Variants in MARK2 observed in about 807,000 individuals in gnomAD.
The protein encoded by MARK2 is serine/threonine-protein kinase MARK2.
MARK2 carries 16 observed loss-of-function variants against 89.8 expected under a neutral mutation model. The ratio of observed to expected loss-of-function variants is 0.18; its 90% CI spans 0.12 to 0.27. The LOEUF is 0.27. Among genes scored for constraint, MARK2 ranks in the 10% least tolerant of loss-of-function variants. The probability of loss-of-function intolerance (pLI) is 1.00; values close to 1 mark genes in which losing one functional copy is unlikely to be tolerated. For synonymous variants in MARK2, 382 were observed against 399.5 expected (o/e 0.96, Z 0.52); for missense variants, 621 against 1,049.9 (o/e 0.59, Z 5.65).
rs1554990119 is a variant in MARK2, at chr11:63,910,654, T to TTA, written c.*1418_*1419insAT. 1 of 144,834 alleles carries TTA rather than the reference T, an allele frequency of 6.9e-6. No homozygotes were observed. The highest frequency in any genetic ancestry group is 2.5e-5 in the African/African-American group (1 of 39,770). The allele number at this position is 144,834 out of a possible 1,614,324, so 9.0% of individuals were successfully genotyped here. A position where few individuals can be genotyped will look rare whatever the true frequency, so the allele number is the denominator to read the frequency against. ...TTTATTTTTTATTATTTTATTTTAT[T>TTA]TTTTTTTTTTTTGATTTATGATGAC... On this transcript the variant is annotated 3_prime_UTR_variant, in exon 19 of 19. Transcript: ENST00000402010.
At chr11:63,899,149 A>G in intron 7 of MARK2, 41 bp downstream of exon 7, 1 of 1,355,934 alleles carries the variant, frequency 7.4e-7, no homozygotes, top group Non-Finnish European at 1.1e-6. Flanking sequence ...AGTGGGAGCC[A>G]GGTTGTTGCC....
Position 63,873,575 on chromosome 11 carries a change from A to T in MARK2, c.55-21584A>T, listed in dbSNP as rs1226734870. On this transcript the variant is annotated intron_variant, in intron 1 of 18. Coordinates refer to ENST00000402010, the MANE Select transcript of MARK2 (RefSeq NM_001039469.3). ...CAAAAGGAAACATCCTCTCGCTGCT[A>T]AGACTTGAGAGCCTGAGGCAGAGAC... Among the ~76,000 whole-genome samples the T allele has an allele frequency of 2.0e-5, 3 of 152,338 alleles. No individual in the cohort carries two copies. The South Asian group carries it at 6.2e-4, about 32-fold the overall frequency.
In MARK2 at chr11:63,904,485, G is replaced by A. The variant is rs1390731061; in HGVS notation, c.1677-301G>A. Among the ~76,000 whole-genome samples, 1 of 152,086 alleles carries A rather than the reference G, an allele frequency of 6.6e-6. No homozygotes were observed. The highest frequency in any genetic ancestry group is 1.5e-5 in the Non-Finnish European group (1 of 68,006). ...TCCTCAAGGGTTGGTCCCCATTGCCGCCTTGAGGGTCCAGTCTGCCCGGCT... is the reference window on the plus strand; with the variant it reads ...TCCTCAAGGGTTGGTCCCCATTGCCACCTTGAGGGTCCAGTCTGCCCGGCT... On this transcript the variant is annotated intron_variant, in intron 15 of 18. Transcript: ENST00000402010. This position sits in a 1 kb window ranked among gnomAD's most constrained non-coding sequence, Gnocchi z 6.3.
Position 63,839,500 on chromosome 11 carries a change from C to A in MARK2, c.-7C>A. ...TTCTCGGTTCCCTCCCCCGAGATAC[C>A]GGCGCCATGTCCAGCGCTCGGACCC... On this transcript the variant is annotated 5_prime_UTR_variant, in exon 1 of 19. Transcript: ENST00000402010. 2 of 1,527,934 alleles carry A rather than the reference C, an allele frequency of 1.3e-6. No individual in the cohort carries two copies. The highest frequency in any genetic ancestry group is 8.8e-7 in the Non-Finnish European group (1 of 1,133,360). The allele number at this position is 1,527,934 out of a possible 1,614,324, so 94.6% of individuals were successfully genotyped here.
rs139924540 is a variant in MARK2, at chr11:63,887,199, G to A, written c.55-7960G>A. Among the ~76,000 whole-genome samples the A allele has an allele frequency of 1.2e-3, 190 of 152,336 alleles. 1 individual carries two copies. Among genetic ancestry groups the A allele is most frequent in the African/African-American group, 4.4e-3 (183 of 41,580 alleles). ...CAGGGGCTTATCTTTTGGGGGAAAT[G>A]AGAGCACGATTAGGCATCAAGAAGG... is the stretch of plus-strand genomic sequence containing the variant. On this transcript the variant is annotated intron_variant, in intron 1 of 18. Transcript: ENST00000402010.
intron 1 of MARK2, among the ~76,000 whole-genome samples, chr11:63,881,270 A>T (rs1329761371): frequency 6.6e-6 from 1 of 152,060 alleles, no homozygotes; most frequent in Admixed American, 6.5e-5. Context: ...ACGCCACTGC[A>T]CTCCAGCCTG....
intron 1 of MARK2, among the ~76,000 whole-genome samples, chr11:63,845,552 G>GTCTC (rs2016236224): frequency 6.6e-6 from 1 of 152,132 alleles, no homozygotes; most frequent in Non-Finnish European, 1.5e-5. Flanking sequence ...TCTCCCTTCT[G>GTCTC]TCTCTGCAAA....
rs191359681 is a variant in MARK2, at chr11:63,884,081, G to T, written c.55-11078G>T. ...TTTACCTCTTTTAAGTTTCTGGAAG[G>T]CAGGAGCCAGATCGCACTGAGCTTT... On this transcript the variant is annotated intron_variant, in intron 1 of 18. Transcript: ENST00000402010. 1.2e-4 allele frequency among the ~76,000 whole-genome samples: 18 copies of T among 152,330 alleles called. No homozygotes were observed. In the East Asian group the frequency reaches 3.5e-3, roughly 29 times the overall value.
At chr11:63,869,031 A>G (rs1938296525) in intron 1 of MARK2, 1 of 356,932 alleles carries the variant, frequency 2.8e-6, no homozygotes, top group Non-Finnish European at 5.6e-6. Context: ...GGGAAGAGTG[A>G]GAAGGATGAC....
Position 63,883,490 on chromosome 11 carries a change from C to T in MARK2, c.55-11669C>T, listed in dbSNP as rs554783240. 3.9e-5 allele frequency among the ~76,000 whole-genome samples: 6 copies of T among 152,234 alleles called. No homozygotes were observed. The South Asian group carries it at 1.2e-3, about 32-fold the overall frequency. On this transcript the variant is annotated intron_variant, in intron 1 of 18. Transcript: ENST00000402010. Reference sequence around the variant, plus strand: ...CCCTTGGAGAGGGGAAACAATGGTTCCTACCCAAAAATGAAGCTAGATAAT... The same window carrying T: ...CCCTTGGAGAGGGGAAACAATGGTTTCTACCCAAAAATGAAGCTAGATAAT...
At chr11:63,878,863 T>A (rs1938931727) in intron 1 of MARK2, among the ~76,000 whole-genome samples, 1 of 152,184 alleles carries the variant, frequency 6.6e-6, no homozygotes, top group Non-Finnish European at 1.5e-5. Flanking sequence ...TGCTGGGACC[T>A]CATGGGCTGG....
intron 11 of MARK2, among the ~76,000 whole-genome samples, chr11:63,901,720 G>GTGTGTGTGTA (rs1460920893): frequency 1.6e-4 from 24 of 151,490 alleles, no homozygotes; most frequent in African/African-American, 5.4e-4. Context: ...GTGTGTGTGT[G>GTGTGTGTGTA]TGTATGTGTC....
chr11:63,908,843 C>A (rs754909507), intron 18 of MARK2, 34 bp from the exon 19 acceptor site: 26 of 1,434,244 alleles, frequency 1.8e-5, no homozygotes, highest in Non-Finnish European at 2.2e-5. Flanking sequence ...GTGCCTCAGC[C>A]CCCCCGTGAC....
At chr11:63,896,513 G>T (rs1940416242) in intron 3 of MARK2, among the ~76,000 whole-genome samples, 1 of 152,220 alleles carries the variant, frequency 6.6e-6, no homozygotes, top group Admixed American at 6.5e-5. Context: ...TGTGGCAGTT[G>T]AGTTAGGAGA....
chr11:63,897,067 T>C (rs1940467499), intron 3 of MARK2, among the ~76,000 whole-genome samples: 1 of 152,202 alleles, frequency 6.6e-6, no homozygotes, highest in Non-Finnish European at 1.5e-5. Flanking sequence ...ATCTCAGCAA[T>C]GATCCCTGAA....
intron 1 of MARK2, among the ~76,000 whole-genome samples, chr11:63,850,489 C>G (rs2016521479): frequency 1.3e-5 from 2 of 151,662 alleles, no homozygotes; most frequent in Non-Finnish European, 2.9e-5. Context: ...TTACCAATCA[C>G]CTATCTGAAA....
chr11:63,874,046 C>T (rs1273002919), intron 1 of MARK2, among the ~76,000 whole-genome samples: 1 of 152,196 alleles, frequency 6.6e-6, no homozygotes, highest in African/African-American at 2.4e-5. Context: ...TGTGCCATAG[C>T]CTTATAGCTT....
intron 1 of MARK2, among the ~76,000 whole-genome samples, chr11:63,893,707 C>T (rs185955390): frequency 6.6e-6 from 1 of 152,234 alleles, no homozygotes; most frequent in East Asian, 1.9e-4. Context: ...CAAAATGCTC[C>T]AAAATCTAAA....
chr11:63,909,337 T>C lies in MARK2; in HGVS notation c.*100T>C. 2 of 1,265,312 alleles carry C rather than the reference T, an allele frequency of 1.6e-6. No individual in the cohort carries two copies. Among genetic ancestry groups the C allele is most frequent in the Non-Finnish European group, 2.1e-6 (2 of 943,294 alleles). 78.4% of individuals were successfully genotyped at this position (1,265,312 alleles called of 1,614,324 possible). A position where few individuals can be genotyped will look rare whatever the true frequency, so the allele number is the denominator to read the frequency against. On this transcript the variant is annotated 3_prime_UTR_variant, in exon 19 of 19. Transcript: ENST00000402010. Reference sequence around the variant, plus strand: ...GCGAGACTGCAGCGATGGATTGGTGTGTCTCCCCTGCTGGCACTTCTCCCC... The same window carrying C: ...GCGAGACTGCAGCGATGGATTGGTGCGTCTCCCCTGCTGGCACTTCTCCCC...
Sources: gnomAD v4.1 joint callset for allele counts (sites outside exome capture counted in the v4.1 genomes callset) on GRCh38, gnomAD v4.1.1 for gene constraint, Gnocchi (gnomAD v3.1) non-coding constraint, MANE v1.5 for transcripts, NCBI Gene and HGNC (gene_info 2026-07-23, HGNC 2026-07-21) for gene names.